Variants in FARS2 observed in about 807,000 individuals in gnomAD.
FARS2 encodes the protein phenylalanine--tRNA ligase, mitochondrial.
FARS2 carries 40 observed loss-of-function variants against 46.4 expected under a neutral mutation model. The observed-to-expected ratio is 0.86, with a 90% CI of 0.67 to 1.12. The LOEUF (loss-of-function observed/expected upper bound fraction) is 1.12, where lower values mean the gene tolerates loss of function less well. Ranked by LOEUF, FARS2 falls within the 50% of genes most tolerant of loss-of-function variation. The pLI is 0.00. For missense variants in FARS2, 513 were observed against 567.9 expected (o/e 0.90, Z 0.98); for synonymous variants, 234 against 214.9 (o/e 1.09, Z -0.78).
In FARS2 at chr6:5,613,298, A is replaced by G. The variant is rs1775290271; in HGVS notation, c.1195A>G (p.Ile399Val). 2.5e-6 allele frequency: 4 copies of G among 1,613,260 alleles called. No homozygotes were observed. The highest frequency in any genetic ancestry group is 2.5e-6 in the Non-Finnish European group (3 of 1,179,730). Residue 399 changes from isoleucine (I) to valine (V), a missense_variant, in exon 6 of 7, where the codon ATA (isoleucine) becomes GTA (valine). Coordinates refer to ENST00000274680, the MANE Select transcript of FARS2 (RefSeq NM_006567.5). ...AGACCTGGTGGAAAAGGTTGATCTC[A>G]TAGACAAGTTTGTACATCCAAAGTA... ...GGDLVEKVDL[I>V]DKFVHPKTHK...
chr6:5,545,137 C>G, intron 4 of FARS2, 43 bp from the exon 5 acceptor site: 9 of 1,600,420 alleles, frequency 5.6e-6, no homozygotes, highest in Non-Finnish European at 7.7e-6. Context: ...CCTATCCAAT[C>G]TCGATACTTT....
At chr6:5,753,880 C>A (rs1019428391) in intron 6 of FARS2, among the ~76,000 whole-genome samples, 1 of 152,220 alleles carries the variant, frequency 6.6e-6, no homozygotes, top group African/African-American at 2.4e-5. Flanking sequence ...ATGTCACATG[C>A]AGCTAGAGGG....
At chr6:5,430,407 G>A (rs973620541) in intron 3 of FARS2, among the ~76,000 whole-genome samples, 2 of 152,028 alleles carry the variant, frequency 1.3e-5, no homozygotes, top group Admixed American at 6.6e-5. Context: ...CAAAAGTGCT[G>A]TATTTATGTT....
chr6:5,309,802 G>A (rs1311643461), intron 1 of FARS2, among the ~76,000 whole-genome samples: 2 of 152,130 alleles, frequency 1.3e-5, no homozygotes, highest in African/African-American at 2.4e-5. Context: ...AATTCAAAGG[G>A]CAACAGAGTT....
intron 4 of FARS2, among the ~76,000 whole-genome samples, chr6:5,518,757 A>G (rs576603629): frequency 5.3e-5 from 8 of 152,286 alleles, no homozygotes; most frequent in African/African-American, 1.9e-4. Context: ...TTTCATAATT[A>G]CTTCATAATT....
intron 1 of FARS2, among the ~76,000 whole-genome samples, chr6:5,348,747 A>G (rs1320488063): frequency 6.6e-6 from 1 of 151,658 alleles, no homozygotes; most frequent in Non-Finnish European, 1.5e-5. Context: ...TATTATATCA[A>G]TTGATACAGA....
At chr6:5,733,465 A>C (rs865970817) in intron 6 of FARS2, among the ~76,000 whole-genome samples, 1 of 152,146 alleles carries the variant, frequency 6.6e-6, no homozygotes. Context: ...TTGCTCTAAA[A>C]AGATGTGATT....
chr6:5,337,067 C>CTT (rs149761965), intron 1 of FARS2, among the ~76,000 whole-genome samples: 14 of 141,732 alleles, frequency 9.9e-5, no homozygotes, highest in South Asian at 2.2e-4. Flanking sequence ...AATATCACTT[C>CTT]TTTTTTTTTT....
intron 2 of FARS2, among the ~76,000 whole-genome samples, chr6:5,404,189 C>T (rs988984646): frequency 4.6e-5 from 7 of 152,132 alleles, no homozygotes; most frequent in Non-Finnish European, 7.3e-5. Flanking sequence ...GTGGGATGGT[C>T]AGGGATGTAA....
chr6:5,546,459 C>A (rs530553970), intron 5 of FARS2, among the ~76,000 whole-genome samples: 2 of 151,450 alleles, frequency 1.3e-5, no homozygotes, highest in Non-Finnish European at 2.9e-5. Context: ...ACCATGTTGG[C>A]CAGGCTGGTC....
intron 6 of FARS2, among the ~76,000 whole-genome samples, chr6:5,756,712 C>T (rs1230926644): frequency 6.6e-6 from 1 of 152,222 alleles, no homozygotes; most frequent in African/African-American, 2.4e-5. Flanking sequence ...TTATTCAGCA[C>T]ATCTAGGTAC....
chr6:5,437,811 T>C (rs1401224940), intron 4 of FARS2, among the ~76,000 whole-genome samples: 2 of 152,168 alleles, frequency 1.3e-5, no homozygotes, highest in Non-Finnish European at 2.9e-5. Flanking sequence ...AAAGTAGTTT[T>C]CTTTTATATT....
chr6:5,605,324 C>T (rs1053922971), intron 5 of FARS2, among the ~76,000 whole-genome samples: 7 of 152,136 alleles, frequency 4.6e-5, no homozygotes, highest in African/African-American at 4.8e-5. Context: ...TGCTTGAAAG[C>T]GGGCAGGGTA....
rs569750243 is a variant in FARS2, at chr6:5,618,629, A to G, written c.1217+5309A>G. On this transcript the variant is annotated intron_variant, in intron 6 of 6. Coordinates refer to ENST00000274680, the MANE Select transcript of FARS2 (RefSeq NM_006567.5). ...TGGAGAAATTTTTTCTTGATTACAAATAACAGCTTGTGCCCTGAAGGAGGA... is the reference window on the plus strand; with the variant it reads ...TGGAGAAATTTTTTCTTGATTACAAGTAACAGCTTGTGCCCTGAAGGAGGA... Among the ~76,000 whole-genome samples the G allele has an allele frequency of 1.2e-4, 19 of 152,336 alleles. No homozygotes were observed. The East Asian group carries it at 3.1e-3, about 25-fold the overall frequency.
intron 4 of FARS2, among the ~76,000 whole-genome samples, chr6:5,542,156 CA>C (rs1770677601): frequency 6.6e-6 from 1 of 151,766 alleles, no homozygotes; most frequent in African/African-American, 2.4e-5. Context: ...CTTGTGATAC[CA>C]CCCCTGCTGA....
intron 5 of FARS2, among the ~76,000 whole-genome samples, chr6:5,546,083 G>A (rs777986922): frequency 5.3e-5 from 8 of 151,960 alleles, no homozygotes; most frequent in Admixed American, 1.3e-4. Context: ...AGCTGAGATC[G>A]TGCCATTGCA....
intron 1 of FARS2, among the ~76,000 whole-genome samples, chr6:5,340,873 C>T (rs555352653): frequency 7.9e-5 from 12 of 151,908 alleles, no homozygotes; most frequent in African/African-American, 2.2e-4. Context: ...GGAGGCCGGG[C>T]GCGGTGGCTC....
At chr6:5,745,833 C>A (rs1423878687) in intron 6 of FARS2, among the ~76,000 whole-genome samples, 1 of 152,202 alleles carries the variant, frequency 6.6e-6, no homozygotes, top group Non-Finnish European at 1.5e-5. Context: ...AGCCACTGCA[C>A]CCCACCAATC....
At chr6:5,671,696 A>C (rs1447370814) in intron 6 of FARS2, among the ~76,000 whole-genome samples, 1 of 152,196 alleles carries the variant, frequency 6.6e-6, no homozygotes, top group East Asian at 1.9e-4. Context: ...GGATGGTTTA[A>C]CCTTTAAAGA....
Sources: gnomAD v4.1 joint callset for allele counts (sites outside exome capture counted in the v4.1 genomes callset) on GRCh38, gnomAD v4.1.1 for gene constraint, MANE v1.5 for transcripts, NCBI Gene and HGNC (gene_info 2026-07-23, HGNC 2026-07-21) for gene names.